ALOX5: variants seen among roughly 807,000 people sequenced by gnomAD.
ALOX5 encodes arachidonate 5-lipoxygenase.
In ALOX5, 64 loss-of-function variants were observed where a neutral mutation model predicts 87.9. That is an observed-to-expected ratio of 0.73 (90% CI 0.60 to 0.90). ALOX5 has a LOEUF of 0.90. ALOX5 is among the 40% of genes least tolerant of loss of function. The probability of loss-of-function intolerance (pLI) is 0.00; values close to 1 mark genes in which losing one functional copy is unlikely to be tolerated. For missense variants in ALOX5, 822 were observed against 907.5 expected (o/e 0.91, Z 1.21); for synonymous variants, 388 against 355.1 (o/e 1.09, Z -1.04).
chr10:45,380,066 C>T (rs1588977239), intron 1 of ALOX5, among the ~76,000 whole-genome samples: 1 of 152,330 alleles, frequency 6.6e-6, no homozygotes, highest in Non-Finnish European at 1.5e-5. Context: ...CCAGATGGGC[C>T]CGAGCCCCTG....
chr10:45,394,115 A>G (rs1840406780), intron 2 of ALOX5, among the ~76,000 whole-genome samples: 1 of 152,264 alleles, frequency 6.6e-6, no homozygotes, highest in Non-Finnish European at 1.5e-5. Flanking sequence ...GTTAAAGTTC[A>G]TATGGAACCA....
chr10:45,374,556 C>G (rs961131384), intron 1 of ALOX5, 127 bp downstream of exon 1: 6 of 927,802 alleles, frequency 6.5e-6, no homozygotes, highest in African/African-American at 5.2e-5. Flanking sequence ...TGGGGGTGTC[C>G]AGGACCCTGT....
chr10:45,380,243 C>T (rs1045602444), intron 1 of ALOX5, among the ~76,000 whole-genome samples: 2 of 152,240 alleles, frequency 1.3e-5, no homozygotes, highest in Middle Eastern at 3.2e-3. Context: ...GTCGTGGGGC[C>T]GAGGCTGGTC....
At position 45,415,944 on chromosome 10, in the gene ALOX5, T is replaced by A. The variant is rs532352553; in HGVS notation, c.554+3631T>A. Reference sequence around the variant, plus strand: ...AGAGTGAATTGGGGTCCAAAGATTTTCATTTCCTTTTACACCTAGAATCCT... The same window carrying A: ...AGAGTGAATTGGGGTCCAAAGATTTACATTTCCTTTTACACCTAGAATCCT... On this transcript the variant is annotated intron_variant, in intron 4 of 13. Transcript: ENST00000374391. Among the ~76,000 whole-genome samples, 9 of 152,332 alleles carry A rather than the reference T, an allele frequency of 5.9e-5. No homozygotes were observed. The South Asian group carries it at 1.9e-3, about 32-fold the overall frequency.
In ALOX5 at chr10:45,441,321, GCCT is replaced by G; in HGVS notation, c.1186-15_1186-13del. Reference sequence around the variant, plus strand: ...GTCACCTGACTGGGCCCCCTCTGAGGCCTCCTCCTCTCCCCTCCCCAGCTGCTG... The same window carrying G: ...GTCACCTGACTGGGCCCCCTCTGAGGCCTCCTCTCCCCTCCCCAGCTGCTG... On this transcript the variant is annotated intron_variant, in intron 8 of 13. Coordinates refer to ENST00000374391, the MANE Select transcript of ALOX5 (RefSeq NM_000698.5). 7 of 1,610,186 alleles carry G rather than the reference GCCT, an allele frequency of 4.3e-6. No homozygotes were observed. The highest frequency in any genetic ancestry group is 5.1e-6 in the Non-Finnish European group (6 of 1,177,426).
At chr10:45,428,423 G>T in intron 6 of ALOX5, 195 bp from the exon 7 acceptor site, 1 of 650,100 alleles carries the variant, frequency 1.5e-6, no homozygotes, top group South Asian at 2.3e-5. Context: ...ATCTTACCCC[G>T]AACTGCCACA....
Position 45,441,751 on chromosome 10 carries a change from C to T in ALOX5, c.1272+321C>T, listed in dbSNP as rs77663092. Among the ~76,000 whole-genome samples the T allele has an allele frequency of 2.5e-3, 383 of 151,664 alleles. 2 individuals are homozygous for T. Among genetic ancestry groups the T allele is most frequent in the African/African-American group, 8.6e-3 (357 of 41,342 alleles). On this transcript the variant is annotated intron_variant, in intron 9 of 13. Transcript: ENST00000374391. Reference sequence around the variant, plus strand: ...CTCCTTATGGCCCCCTGACCTCCTACGCACCAGGAACCTGTGTCTGCCTCT... The same window carrying T: ...CTCCTTATGGCCCCCTGACCTCCTATGCACCAGGAACCTGTGTCTGCCTCT...
chr10:45,425,204 G>A lies in ALOX5; in HGVS notation c.834+72G>A. ...GGTGGAAGCCAGTTCCTCCTGGCCA[G>A]TGCTCATAGGCCACCAAGACGCTAA... On this transcript the variant is annotated intron_variant, in intron 6 of 13. Coordinates refer to ENST00000374391, the MANE Select transcript of ALOX5 (RefSeq NM_000698.5). The surrounding 1 kb of genome is among the most constrained non-coding windows in gnomAD (Gnocchi z 4.4). The A allele has an allele frequency of 6.7e-7, 1 of 1,501,094 alleles. No individual in the cohort carries two copies. Among genetic ancestry groups the A allele is most frequent in the Non-Finnish European group, 9.0e-7 (1 of 1,117,092 alleles). The allele number at this position is 1,501,094 out of a possible 1,614,324, so 93.0% of individuals were successfully genotyped here.
intron 4 of ALOX5, among the ~76,000 whole-genome samples, chr10:45,417,769 A>C (rs1841348241): frequency 6.6e-6 from 1 of 152,172 alleles, no homozygotes; most frequent in Admixed American, 6.5e-5. Flanking sequence ...AGGATGCTCC[A>C]CCGTGGGGAG....
At chr10:45,400,456 G>A (rs976997234) in intron 3 of ALOX5, among the ~76,000 whole-genome samples, 7 of 152,000 alleles carry the variant, frequency 4.6e-5, no homozygotes, top group African/African-American at 9.7e-5. Context: ...AAAATTAGCC[G>A]GGCATGTTGG....
intron 13 of ALOX5, chr10:45,444,525 G>C (rs1248931127): frequency 8.1e-6 from 4 of 494,868 alleles, no homozygotes; most frequent in Non-Finnish European, 1.4e-5. Flanking sequence ...ACTGTCACCA[G>C]AGGGTCGTGT....
chr10:45,428,062 C>T (rs1841787083), intron 6 of ALOX5, among the ~76,000 whole-genome samples: 1 of 151,702 alleles, frequency 6.6e-6, no homozygotes, highest in Non-Finnish European at 1.5e-5. Flanking sequence ...CAGACCTTCC[C>T]TACCTCCTGG....
chr10:45,398,697 G>T (rs1002445343), intron 3 of ALOX5, among the ~76,000 whole-genome samples: 1 of 152,028 alleles, frequency 6.6e-6, no homozygotes, highest in Non-Finnish European at 1.5e-5. Flanking sequence ...AATGAGTGAG[G>T]ATCTGAATAG....
rs1839504038 is a variant in ALOX5 at position 45,374,417 on chromosome 10, C to T, written c.138C>T (p.Phe46=). ...HLLDKPFYND[F]ERGAVDSYDV... is the part of the protein sequence containing the mutation. ...TGGACAAGCCCTTCTACAACGACTTCGAGCGTGGCGCGGTGAGCGCGGGCG... is the reference window on the plus strand; with the variant it reads ...TGGACAAGCCCTTCTACAACGACTTTGAGCGTGGCGCGGTGAGCGCGGGCG... The change falls in exon 1 of 14, where the codon TTC becomes TTT. Residue 46 remains phenylalanine (F), a synonymous_variant. Transcript: ENST00000374391. The T allele has an allele frequency of 2.6e-6, 4 of 1,557,670 alleles. No homozygotes were observed. The Admixed American group carries it at 8.1e-5, about 32-fold the overall frequency.
rs566762005 is a variant in ALOX5, at chr10:45,392,514, C to G, written c.350-3341C>G. Among the ~76,000 whole-genome samples the G allele has an allele frequency of 5.3e-5, 8 of 151,692 alleles. No homozygotes were observed. In the East Asian group the frequency reaches 1.6e-3, roughly 29 times the overall value. ...TAAACAGATGCTTGAAGGCAGCAGGCTCCTTAAGAGTCATCACCACTCCCT... is the reference window on the plus strand; with the variant it reads ...TAAACAGATGCTTGAAGGCAGCAGGGTCCTTAAGAGTCATCACCACTCCCT... On this transcript the variant is annotated intron_variant, in intron 2 of 13. Coordinates refer to ENST00000374391, the MANE Select transcript of ALOX5 (RefSeq NM_000698.5).
At chr10:45,408,175 T>C (rs1265847603) in intron 3 of ALOX5, among the ~76,000 whole-genome samples, 2 of 152,228 alleles carry the variant, frequency 1.3e-5, no homozygotes, top group Non-Finnish European at 2.9e-5. Flanking sequence ...AGTCACACTC[T>C]GTGAAATATT....
rs1164676604 is a variant in ALOX5 at position 45,412,505 on chromosome 10, A to G, written c.554+192A>G. ...TTGCAGGACAACCGGTATCTTAAAAAAGGCATAACCAGAGGACTCCAGACA... is the reference window on the plus strand; with the variant it reads ...TTGCAGGACAACCGGTATCTTAAAAGAGGCATAACCAGAGGACTCCAGACA... On this transcript the variant is annotated intron_variant, in intron 4 of 13. Coordinates refer to ENST00000374391, the MANE Select transcript of ALOX5 (RefSeq NM_000698.5). 1.4e-4 allele frequency among the ~76,000 whole-genome samples: 21 copies of G among 152,304 alleles called. No homozygotes were observed. The East Asian group carries it at 1.5e-3, about 11-fold the overall frequency.
At chr10:45,412,616 C>T (rs1179781259) in intron 4 of ALOX5, among the ~76,000 whole-genome samples, 1 of 152,188 alleles carries the variant, frequency 6.6e-6, no homozygotes, top group Non-Finnish European at 1.5e-5. Flanking sequence ...TCTCTATGGC[C>T]ACTTCAAAGG....
chr10:45,424,867 C>A, intron 5 of ALOX5, 93 bp from the exon 6 acceptor site: 1 of 1,488,016 alleles, frequency 6.7e-7, no homozygotes. Context: ...GGAGACCAAG[C>A]AGGGACTCTG....
Sources: allele counts gnomAD v4.1 joint callset (sites outside exome capture counted in the v4.1 genomes callset), GRCh38; gene constraint gnomAD v4.1.1; non-coding constraint Gnocchi (gnomAD v3.1); transcripts MANE v1.5; gene names NCBI Gene and HGNC (gene_info 2026-07-23, HGNC 2026-07-21).